Variants in PRPF40B observed in about 807,000 individuals in gnomAD.
PRPF40B encodes the protein pre-mRNA-processing factor 40 homolog B.
PRPF40B carries 56 observed loss-of-function variants against 124.5 expected under a neutral mutation model. The ratio of observed to expected loss-of-function variants is 0.45; its 90% CI spans 0.36 to 0.56. The LOEUF (loss-of-function observed/expected upper bound fraction) is 0.56, where lower values mean the gene tolerates loss of function less well. Ranked by LOEUF, PRPF40B falls within the 20% of genes least tolerant of loss-of-function variation. The pLI is 0.00. For synonymous variants in PRPF40B, 443 were observed against 426.4 expected, an observed-to-expected ratio of 1.04 and a Z score of -0.48; for missense variants, 1,053 against 1,169.5, an observed-to-expected ratio of 0.90 and a Z score of 1.45.
At chr12:49,630,651 T>G in intron 2 of PRPF40B, 26 bp downstream of exon 2, 3 of 1,094,256 alleles carry the variant, frequency 2.7e-6, no homozygotes, top group Non-Finnish European at 4.2e-6. Context: ...TTCCCTGGGC[T>G]TGGCTTTTCC....
chr12:49,635,095 C>T lies in PRPF40B; in HGVS notation c.1002-4C>T, dbSNP rs1941633168. 8.1e-6 allele frequency: 13 copies of T among 1,610,830 alleles called. No homozygotes were observed. The East Asian group carries it at 2.7e-4, about 33-fold the overall frequency. On this transcript the variant is annotated splice_polypyrimidine_tract_variant and splice_region_variant and intron_variant, in intron 12 of 25. Coordinates refer to ENST00000548825, the MANE Select transcript of PRPF40B (RefSeq NM_001031698.3). The surrounding 1 kb of genome is among the most constrained non-coding windows in gnomAD (Gnocchi z 4.1). ...CCCCACCCCACTCCTACCCTCTATC[C>T]CAGTGCCTTGCCTAAACTGAGTGAG... is the stretch of plus-strand genomic sequence containing the variant.
At chr12:49,638,303 A>G (rs893149257) in intron 18 of PRPF40B, 8 of 153,754 alleles carry the variant, frequency 5.2e-5, no homozygotes, top group Non-Finnish European at 1.2e-4. Context: ...TAAAACCAGG[A>G]AACTTCACAT....
intron 5 of PRPF40B, 41 bp downstream of exon 5, chr12:49,632,664 T>C (rs1941338054): frequency 6.2e-7 from 1 of 1,610,832 alleles, no homozygotes. Context: ...GCTCGGAGGT[T>C]GGGGGGCATA....
chr12:49,638,017 T>C (rs1213415496), intron 18 of PRPF40B, 193 bp downstream of exon 18: 9 of 578,074 alleles, frequency 1.6e-5, no homozygotes, highest in Non-Finnish European at 2.5e-5. Flanking sequence ...CATGGTCTAA[T>C]AGGAAGATAT....
In PRPF40B at chr12:49,636,800, C is replaced by T; in HGVS notation, c.1511C>T (p.Ala504Val). 6.2e-7 allele frequency: 1 copy of T among 1,614,196 alleles called. No homozygotes were observed. Among genetic ancestry groups the T allele is most frequent in the Non-Finnish European group, 8.5e-7 (1 of 1,180,034 alleles). ...GAAGAGGAGGAGGAACGGGAGCGGGCCCGGCTTCGGGAGCGACGCCAACAA... is the reference window on the plus strand; with the variant it reads ...GAAGAGGAGGAGGAACGGGAGCGGGTCCGGCTTCGGGAGCGACGCCAACAA... ...EREEEEERER[A>V]RLRERRQQRK... Residue 504 changes from alanine to valine, a missense_variant, in exon 16 of 26, where the codon GCC becomes GTC. Transcript: ENST00000548825.
chr12:49,624,029 T>C (rs2138359311), intron 1 of PRPF40B: 1 of 997,848 alleles, frequency 1.0e-6, no homozygotes, highest in East Asian at 1.0e-4. Context: ...GAAGCCTGGG[T>C]GCTCCTCAGA....
chr12:49,637,553 T>C lies in PRPF40B; in HGVS notation c.1644T>C (p.Asp548=), dbSNP rs768245712. Residue 548 remains aspartate (D), a synonymous_variant, in exon 17 of 26, where the codon GAT becomes GAC. Transcript: ENST00000548825. ...WMELYPAVST[D]VRFANMLGQP... is the part of the protein sequence containing the mutation. ...AGCTATATCCAGCAGTCAGCACTGA[T>C]GTCCGCTTTGCCAACATGCTGGGCC... 3 of 1,613,742 alleles carry C rather than the reference T, an allele frequency of 1.9e-6. No individual in the cohort carries two copies. The highest frequency in any genetic ancestry group is 2.5e-6 in the Non-Finnish European group (3 of 1,180,034).
intron 1 of PRPF40B, among the ~76,000 whole-genome samples, chr12:49,629,856 A>G (rs1265190783): frequency 6.6e-6 from 1 of 152,252 alleles, no homozygotes; most frequent in Non-Finnish European, 1.5e-5. Flanking sequence ...TTCAAAGCCT[A>G]CATCCACAGG....
rs1381895165 is a variant in PRPF40B at position 49,623,578 on chromosome 12, C to G, written c.-13C>G. The G allele has an allele frequency of 8.1e-7, 1 of 1,236,048 alleles. No individual in the cohort carries two copies. Among genetic ancestry groups the G allele is most frequent in the Non-Finnish European group, 1.0e-6 (1 of 990,294 alleles). The allele number at this position is 1,236,048 out of a possible 1,614,324, so 76.6% of individuals were successfully genotyped here. On this transcript the variant is annotated 5_prime_UTR_variant, in exon 1 of 26. Coordinates refer to ENST00000548825, the MANE Select transcript of PRPF40B (RefSeq NM_001031698.3). ...GGTGGGCTGAGCCGGCCCAGCTGCT[C>G]GGAGGCTCTGGCATGGTAACATCCC...
At chr12:49,623,495 C>G, upstream of PRPF40B, 13 of 1,218,584 alleles carry the variant, frequency 1.1e-5, no homozygotes, top group East Asian at 3.2e-5. Context: ...GGTGCGACCC[C>G]CCGCCGGCCC....
chr12:49,636,609 G>C, intron 15 of PRPF40B, 107 bp from the exon 16 acceptor site: 1 of 1,502,808 alleles, frequency 6.7e-7, no homozygotes. Context: ...ACCACCCTGG[G>C]TATCCCTAGC....
At chr12:49,626,847 T>C (rs572972368) in intron 1 of PRPF40B, among the ~76,000 whole-genome samples, 1 of 152,112 alleles carries the variant, frequency 6.6e-6, no homozygotes, top group Non-Finnish European at 1.5e-5. Flanking sequence ...AGAGGGCAGA[T>C]TGGATCCAGT....
intron 18 of PRPF40B, 142 bp downstream of exon 18, chr12:49,637,966 A>G (rs1275956032): frequency 6.1e-6 from 4 of 656,430 alleles, no homozygotes; most frequent in Non-Finnish European, 8.1e-6. Context: ...ACTGCACACT[A>G]GGGATACAGT....
intron 16 of PRPF40B, 41 bp downstream of exon 16, chr12:49,636,890 C>T (rs759984772): frequency 6.2e-7 from 1 of 1,611,534 alleles, no homozygotes; most frequent in East Asian, 2.2e-5. Context: ...TCAGCTCTGC[C>T]CTAGAGCACA....
upstream of PRPF40B, chr12:49,623,356 C>T (rs1004710552): frequency 5.3e-5 from 11 of 206,784 alleles, no homozygotes; most frequent in Non-Finnish European, 9.4e-5. Context: ...GGGGGGCGGA[C>T]CCGGGACGCG....
At chr12:49,641,779 A>G (rs1942687816) in intron 18 of PRPF40B, 129 bp from the exon 19 acceptor site, 1 of 708,384 alleles carries the variant, frequency 1.4e-6, no homozygotes, top group Admixed American at 2.5e-5. Context: ...TTTCTAATGC[A>G]GACCACAGTC....
At chr12:49,632,327 G>A in intron 4 of PRPF40B, 1 of 566,518 alleles carries the variant, frequency 1.8e-6, no homozygotes, top group Non-Finnish European at 3.1e-6. Context: ...TATAGAATTT[G>A]GCATCCACTG....
In PRPF40B at chr12:49,630,544, G is replaced by C; in HGVS notation, c.4-1G>C. 2 of 1,372,098 alleles carry C rather than the reference G, an allele frequency of 1.5e-6. No individual in the cohort carries two copies. Among genetic ancestry groups the C allele is most frequent in the Non-Finnish European group, 2.0e-6 (2 of 976,872 alleles). The allele number at this position is 1,372,098 out of a possible 1,614,324, so 85.0% of individuals were successfully genotyped here. A position where few individuals can be genotyped will look rare whatever the true frequency, so the allele number is the denominator to read the frequency against. Reference sequence around the variant, plus strand: ...CCTATGACTTTTCTCTCCCTCAACAGTCGGTTCCCGATTCTGGTCCCCGGC... The same window carrying C: ...CCTATGACTTTTCTCTCCCTCAACACTCGGTTCCCGATTCTGGTCCCCGGC... On this transcript the variant is annotated splice_acceptor_variant, in intron 1 of 25. Transcript: ENST00000548825. LOFTEE classifies it high-confidence loss of function.
At position 49,631,540 on chromosome 12, in the gene PRPF40B, C is replaced by T; in HGVS notation, c.224C>T (p.Thr75Ile). Residue 75 changes from threonine (T) to isoleucine (I), a missense_variant, in exon 3 of 26, where the codon ACA becomes ATA. Coordinates refer to ENST00000548825, the MANE Select transcript of PRPF40B (RefSeq NM_001031698.3). The surrounding 1 kb of genome is among the most constrained non-coding windows in gnomAD (Gnocchi z 4.3). The part of the protein sequence containing the change: ...LPPMGAPPPL[T>I]QIPGMVPPMM... ...CCAATGGGGGCGCCACCACCACTCA[C>T]ACAGGTAATTGTCTCTCCTCCCCTG... 6.4e-7 allele frequency: 1 copy of T among 1,551,908 alleles called. No individual in the cohort carries two copies. The highest frequency in any genetic ancestry group is 8.6e-7 in the Non-Finnish European group (1 of 1,156,288).
Sources: gnomAD v4.1 joint callset for allele counts (sites outside exome capture counted in the v4.1 genomes callset) on GRCh38, gnomAD v4.1.1 for gene constraint, Gnocchi (gnomAD v3.1) non-coding constraint, MANE v1.5 for transcripts, NCBI Gene and HGNC (gene_info 2026-07-23, HGNC 2026-07-21) for gene names.